Variants in RPRD2 observed in about 807,000 individuals in gnomAD.
The protein encoded by RPRD2 is regulation of nuclear pre-mRNA domain-containing protein 2.
In RPRD2, 12 loss-of-function variants were observed where a neutral mutation model predicts 104.4. The observed-to-expected ratio is 0.11, with a 90% CI of 0.07 to 0.19. The LOEUF is 0.19. Among genes scored for constraint, RPRD2 ranks in the 10% least tolerant of loss-of-function variants. The pLI is 1.00. For missense variants in RPRD2, 1,543 were observed against 1,790.1 expected (o/e 0.86, Z 2.49); for synonymous variants, 714 against 684.9 (o/e 1.04, Z -0.66).
chr1:150,461,678 A>T (rs1419483248), intron 9 of RPRD2, among the ~76,000 whole-genome samples: 1 of 151,888 alleles, frequency 6.6e-6, no homozygotes, highest in Non-Finnish European at 1.5e-5. Context: ...CCCCATCTCT[A>T]CTTAAAAAAA....
At chr1:150,466,562 A>ATT (rs782422453) in intron 10 of RPRD2, among the ~76,000 whole-genome samples, 53 of 148,310 alleles carry the variant, frequency 3.6e-4, no homozygotes, top group African/African-American at 1.3e-3. Context: ...AAAAAAAAAA[A>ATT]TTTCTGAGAC....
chr1:150,467,790 C>T (rs587641278), intron 10 of RPRD2, among the ~76,000 whole-genome samples: 4 of 152,122 alleles, frequency 2.6e-5, no homozygotes, highest in East Asian at 1.9e-4. Context: ...TGTATTTCCT[C>T]GAAGACTGTT....
intron 7 of RPRD2, among the ~76,000 whole-genome samples, chr1:150,446,872 G>A (rs372118675): frequency 8.3e-6 from 1 of 119,874 alleles, no homozygotes; most frequent in Non-Finnish European, 1.6e-5. Flanking sequence ...TGTCGCTCTT[G>A]TTGCCCAGGC....
At chr1:150,401,721 G>C (rs1663031268) in intron 1 of RPRD2, among the ~76,000 whole-genome samples, 1 of 150,360 alleles carries the variant, frequency 6.7e-6, no homozygotes, top group Non-Finnish European at 1.5e-5. Context: ...TCGGCTCACT[G>C]CAAACGCCGC....
chr1:150,447,069 G>A (rs1357691111), intron 7 of RPRD2, among the ~76,000 whole-genome samples: 19 of 151,648 alleles, frequency 1.3e-4, no homozygotes, highest in Admixed American at 4.6e-4. Flanking sequence ...CTCCAACCTC[G>A]GGTGATCCGC....
chr1:150,416,748 T>C (rs1572429565), intron 1 of RPRD2, among the ~76,000 whole-genome samples: 1 of 151,744 alleles, frequency 6.6e-6, no homozygotes, highest in East Asian at 1.9e-4. Context: ...AGTGCACACC[T>C]GTAGTCCCAT....
At chr1:150,437,569 C>G (rs1479505830) in intron 2 of RPRD2, among the ~76,000 whole-genome samples, 1 of 151,946 alleles carries the variant, frequency 6.6e-6, no homozygotes, top group African/African-American at 2.4e-5. Context: ...GTAAATGTAA[C>G]TTTTTAAAAA....
intron 1 of RPRD2, among the ~76,000 whole-genome samples, chr1:150,373,610 G>A (rs1450060263): frequency 6.8e-6 from 1 of 147,656 alleles, no homozygotes; most frequent in Non-Finnish European, 1.5e-5. Flanking sequence ...GGAAGGCTGT[G>A]AGTGGAGCAG....
chr1:150,394,579 G>A (rs1279964148), intron 1 of RPRD2, among the ~76,000 whole-genome samples: 1 of 152,004 alleles, frequency 6.6e-6, no homozygotes, highest in Non-Finnish European at 1.5e-5. Context: ...CAACCTTTTT[G>A]TGGAGTTTTT....
intron 1 of RPRD2, among the ~76,000 whole-genome samples, chr1:150,398,417 C>T (rs1174294671): frequency 2.0e-5 from 3 of 151,950 alleles, no homozygotes; most frequent in Non-Finnish European, 4.4e-5. Context: ...AGGATGGTCT[C>T]GATCTCCTGA....
intron 9 of RPRD2, among the ~76,000 whole-genome samples, chr1:150,461,191 C>T (rs1553898761): frequency 1.3e-5 from 2 of 149,686 alleles, no homozygotes; most frequent in Admixed American, 6.6e-5. Flanking sequence ...GCCAGGAGTT[C>T]GAGACCAGCC....
chr1:150,452,686 T>C (rs980128497), intron 7 of RPRD2, among the ~76,000 whole-genome samples: 1 of 140,810 alleles, frequency 7.1e-6, no homozygotes, highest in Non-Finnish European at 1.5e-5. Flanking sequence ...TTTTTTTTTT[T>C]GAGACGAACT....
intron 1 of RPRD2, among the ~76,000 whole-genome samples, chr1:150,380,508 C>T (rs1661044391): frequency 6.6e-6 from 1 of 151,758 alleles, no homozygotes; most frequent in African/African-American, 2.4e-5. Flanking sequence ...CCACCATGCC[C>T]AGCTAATTTT....
At chr1:150,416,696 C>G (rs1302941356) in intron 1 of RPRD2, among the ~76,000 whole-genome samples, 1 of 151,502 alleles carries the variant, frequency 6.6e-6, no homozygotes, top group Non-Finnish European at 1.5e-5. Flanking sequence ...ATAATAAAAC[C>G]CTATCTCTAC....
At chr1:150,467,866 C>T (rs1442295148) in intron 10 of RPRD2, among the ~76,000 whole-genome samples, 1 of 152,024 alleles carries the variant, frequency 6.6e-6, no homozygotes, top group Admixed American at 6.5e-5. Context: ...AGATTTATAA[C>T]ACAAAAGAGA....
At chr1:150,425,655 AG>A (rs1665073654) in intron 2 of RPRD2, among the ~76,000 whole-genome samples, 1 of 150,914 alleles carries the variant, frequency 6.6e-6, no homozygotes, top group Admixed American at 6.6e-5. Context: ...AAAAAAAAAA[AG>A]AAAAATAAAT....
At chr1:150,445,745 G>A (rs782713219) in intron 6 of RPRD2, among the ~76,000 whole-genome samples, 1 of 152,106 alleles carries the variant, frequency 6.6e-6, no homozygotes, top group Non-Finnish European at 1.5e-5. Flanking sequence ...TCTGTTTTGT[G>A]ATTTTGTGAT....
rs587679624 is a variant in RPRD2, at chr1:150,375,502, C to T, written c.205+10583C>T. Among the ~76,000 whole-genome samples, 8 of 152,180 alleles carry T rather than the reference C, an allele frequency of 5.3e-5. No individual in the cohort carries two copies. The South Asian group carries it at 1.2e-3, about 24-fold the overall frequency. On this transcript the variant is annotated intron_variant, in intron 1 of 10. Coordinates refer to ENST00000369068, the MANE Select transcript of RPRD2 (RefSeq NM_015203.5). ...GTTAGTTTTGTCTGTAGAGGAGGGA[C>T]GAGTGTATGTATGTGCGTAATTTTT... is the stretch of plus-strand genomic sequence containing the variant.
chr1:150,378,005 T>G (rs1434069489), intron 1 of RPRD2, among the ~76,000 whole-genome samples: 1 of 152,170 alleles, frequency 6.6e-6, no homozygotes, highest in Non-Finnish European at 1.5e-5. Flanking sequence ...AGCTTAATTT[T>G]GTTTTATATA....
Sources: gnomAD v4.1 joint callset for allele counts (sites outside exome capture counted in the v4.1 genomes callset) on GRCh38, gnomAD v4.1.1 for gene constraint, MANE v1.5 for transcripts, NCBI Gene and HGNC (gene_info 2026-07-23, HGNC 2026-07-21) for gene names.